The following CKAP5 variants were observed in gnomAD, a reference collection of about 807,000 sequenced individuals.
The protein encoded by CKAP5 is cytoskeleton-associated protein 5.
A neutral mutation model predicts 232.8 loss-of-function variants in CKAP5; 27 were observed. The ratio of observed to expected loss-of-function variants is 0.12; its 90% confidence interval spans 0.09 to 0.16. The LOEUF (loss-of-function observed/expected upper bound fraction) is 0.16, where lower values mean the gene tolerates loss of function less well. Ranked by LOEUF, CKAP5 falls within the 10% of genes least tolerant of loss-of-function variation. CKAP5 has a pLI of 1.00. For missense variants in CKAP5, 1,838 were observed against 2,424.7 expected (o/e 0.76, Z 5.08); for synonymous variants, 785 against 841.1 (o/e 0.93, Z 1.16).
intron 40 of CKAP5, among the ~76,000 whole-genome samples, chr11:46,750,914 C>T (rs1401922441): frequency 6.6e-6 from 1 of 152,010 alleles, no homozygotes; most frequent in Non-Finnish European, 1.5e-5. Flanking sequence ...TCTTGGGGAC[C>T]AAAAAACACA....
chr11:46,776,404 G>A (rs2134616496), intron 23 of CKAP5, 21 bp from the exon 24 acceptor site: 1 of 1,598,736 alleles, frequency 6.3e-7, no homozygotes, highest in Non-Finnish European at 8.5e-7. Context: ...AAGATAATCA[G>A]CAAAAATAAT....
rs576763634 is a variant in CKAP5 at position 46,763,401 on chromosome 11, T to C, written c.3687+80A>G. 264 of 1,320,386 alleles carry C rather than the reference T, an allele frequency of 2.0e-4. 1 individual carries two copies. The African/African-American group carries it at 3.8e-3, about 19-fold the overall frequency. 81.8% of individuals were successfully genotyped at this position (1,320,386 alleles called of 1,614,324 possible). Reference sequence around the variant, plus strand: ...CATAGTATATTCTACTTCCAAGTCATGCAAACTTCAGATTATTTCATAGGG... The same window carrying C: ...CATAGTATATTCTACTTCCAAGTCACGCAAACTTCAGATTATTTCATAGGG... On this transcript the variant is annotated intron_variant, in intron 29 of 43. Coordinates refer to ENST00000529230, the MANE Select transcript of CKAP5 (RefSeq NM_001008938.4).
chr11:46,824,929 T>C (rs756928627), intron 1 of CKAP5, among the ~76,000 whole-genome samples: 1 of 152,172 alleles, frequency 6.6e-6, no homozygotes, highest in Non-Finnish European at 1.5e-5. Flanking sequence ...AAGACACATA[T>C]TCAGAAATTT....
intron 1 of CKAP5, among the ~76,000 whole-genome samples, chr11:46,840,471 A>G (rs1940026197): frequency 6.6e-6 from 1 of 152,148 alleles, no homozygotes. Context: ...ACCTTAACAT[A>G]CTCATTCCCT....
At chr11:46,792,565 AAAC>A (rs544454333) in intron 13 of CKAP5, among the ~76,000 whole-genome samples, 8 of 151,962 alleles carry the variant, frequency 5.3e-5, no homozygotes, top group East Asian at 1.9e-4. Context: ...AAAAAAACAA[AAAC>A]AACAACAACA....
chr11:46,829,455 G>A lies in CKAP5; in HGVS notation c.-37-8187C>T, dbSNP rs926318813. Among the ~76,000 whole-genome samples the A allele has an allele frequency of 2.1e-4, 32 of 152,300 alleles. No homozygotes were observed. In the East Asian group the frequency reaches 2.7e-3, roughly 13 times the overall value. On this transcript the variant is annotated intron_variant, in intron 1 of 43. Transcript: ENST00000529230. ...AGCTACTCGGGAGGCTAAGGTAGAAGGATTGCCTGAGCCCAGAAAGAGTGA... is the reference window on the plus strand; with the variant it reads ...AGCTACTCGGGAGGCTAAGGTAGAAAGATTGCCTGAGCCCAGAAAGAGTGA...
intron 13 of CKAP5, among the ~76,000 whole-genome samples, chr11:46,795,300 C>G (rs899178096): frequency 2.6e-5 from 4 of 151,696 alleles, no homozygotes; most frequent in Non-Finnish European, 5.9e-5. Flanking sequence ...TGCACTCCAG[C>G]CTGGGCAACA....
At chr11:46,807,593 T>TAC (rs1220647961) in intron 8 of CKAP5, among the ~76,000 whole-genome samples, 1 of 152,248 alleles carries the variant, frequency 6.6e-6, no homozygotes, top group African/African-American at 2.4e-5. Context: ...GTTTATCTCT[T>TAC]ACTTAGTACT....
chr11:46,836,978 TA>T (rs1939932346), intron 1 of CKAP5, among the ~76,000 whole-genome samples: 1 of 152,166 alleles, frequency 6.6e-6, no homozygotes. Context: ...GAATCTATAT[TA>T]CAGATGTGTG....
At chr11:46,794,817 C>T in intron 13 of CKAP5, among the ~76,000 whole-genome samples, 1 of 152,048 alleles carries the variant, frequency 6.6e-6, no homozygotes, top group African/African-American at 2.4e-5. Flanking sequence ...GCTTGGACAA[C>T]AGAGCAAGAC....
At chr11:46,827,936 G>A (rs766205192) in intron 1 of CKAP5, among the ~76,000 whole-genome samples, 1 of 152,106 alleles carries the variant, frequency 6.6e-6, no homozygotes, top group Non-Finnish European at 1.5e-5. Context: ...ACTGCATTTT[G>A]TGTCTCCCAT....
chr11:46,812,397 T>G (rs1335751389), intron 4 of CKAP5, among the ~76,000 whole-genome samples: 1 of 152,184 alleles, frequency 6.6e-6, no homozygotes, highest in Non-Finnish European at 1.5e-5. Context: ...AGATTACATT[T>G]TCAAGTTCCC....
chr11:46,828,381 G>A (rs1939702003), intron 1 of CKAP5, among the ~76,000 whole-genome samples: 1 of 152,172 alleles, frequency 6.6e-6, no homozygotes, highest in Admixed American at 6.5e-5. Context: ...GAATACCTCT[G>A]AATTAGGTAA....
intron 20 of CKAP5, among the ~76,000 whole-genome samples, 158 bp downstream of exon 20, chr11:46,780,036 T>C (rs1264319632): frequency 6.6e-6 from 1 of 152,130 alleles, no homozygotes; most frequent in East Asian, 1.9e-4. Context: ...CCAACTGGCA[T>C]AGCACACTAC....
chr11:46,762,539 G>A (rs750190522), intron 31 of CKAP5, 88 bp downstream of exon 31: 7 of 1,502,890 alleles, frequency 4.7e-6, no homozygotes, highest in South Asian at 4.6e-5. Context: ...ATAGGCACTG[G>A]AGAAATTTAT....
intron 1 of CKAP5, among the ~76,000 whole-genome samples, chr11:46,833,072 T>C (rs1437523695): frequency 6.6e-6 from 1 of 152,080 alleles, no homozygotes; most frequent in Non-Finnish European, 1.5e-5. Context: ...AGATGCTGAG[T>C]ATAGGCTGTG....
At chr11:46,771,029 T>A in intron 24 of CKAP5, 47 bp from the exon 25 acceptor site, 1 of 1,508,042 alleles carries the variant, frequency 6.6e-7, no homozygotes, top group Non-Finnish European at 9.1e-7. Flanking sequence ...ATGAAGACTG[T>A]TATCATTTAT....
At chr11:46,794,125 C>T (rs1213154233) in intron 13 of CKAP5, among the ~76,000 whole-genome samples, 3 of 152,088 alleles carry the variant, frequency 2.0e-5, no homozygotes, top group African/African-American at 7.2e-5. Flanking sequence ...AAATGTAAGA[C>T]CTAAAACTAT....
intron 18 of CKAP5, among the ~76,000 whole-genome samples, chr11:46,781,429 T>TCTC (rs10649526): frequency 1 from 151,733 of 152,270 alleles, 75,602 homozygotes; most frequent in Middle Eastern, 1. Flanking sequence ...CTGTTACTCT[T>TCTC]CTCAAAAGCC....
Sources: gnomAD v4.1 joint callset for allele counts (sites outside exome capture counted in the v4.1 genomes callset) on GRCh38, gnomAD v4.1.1 for gene constraint, MANE v1.5 for transcripts, NCBI Gene and HGNC (gene_info 2026-07-23, HGNC 2026-07-21) for gene names.